SRGAP3: variants seen among roughly 807,000 people sequenced by gnomAD.
The protein encoded by SRGAP3 is SLIT-ROBO Rho GTPase activating protein 3.
In SRGAP3, 39 loss-of-function variants were observed where a neutral mutation model predicts 121.1. That is an observed-to-expected ratio of 0.32 (90% CI 0.25 to 0.42). SRGAP3 has a LOEUF of 0.42. Ranked by LOEUF, SRGAP3 falls within the 10% of genes least tolerant of loss-of-function variation. The probability of loss-of-function intolerance (pLI) is 1.00; values close to 1 mark genes in which losing one functional copy is unlikely to be tolerated. For missense variants in SRGAP3, 1,213 were observed against 1,470.6 expected (o/e 0.82, Z 2.86); for synonymous variants, 601 against 570.0 (o/e 1.05, Z -0.77).
At chr3:9,074,207 A>G (rs1019655230) in intron 4 of SRGAP3, among the ~76,000 whole-genome samples, 1 of 152,208 alleles carries the variant, frequency 6.6e-6, no homozygotes, top group Non-Finnish European at 1.5e-5. Context: ...GGAGATGGGG[A>G]ATGGAGAAGA....
intron 2 of SRGAP3, among the ~76,000 whole-genome samples, chr3:9,115,586 T>G (rs1334495699): frequency 1.3e-5 from 2 of 152,250 alleles, no homozygotes; most frequent in African/African-American, 4.8e-5. Context: ...CTACAGCCAT[T>G]GCAAAATCCA....
At chr3:9,009,905 C>T (rs920627426) in intron 18 of SRGAP3, among the ~76,000 whole-genome samples, 15 of 152,196 alleles carry the variant, frequency 9.9e-5, no homozygotes, top group African/African-American at 2.2e-4. Flanking sequence ...CAAGGACCGA[C>T]GTCTTGTTCA....
chr3:9,028,932 A>G (rs548488473), intron 12 of SRGAP3, among the ~76,000 whole-genome samples: 1 of 152,130 alleles, frequency 6.6e-6, no homozygotes, highest in Non-Finnish European at 1.5e-5. Context: ...GATGATGCCC[A>G]TTTTCAGGGG....
chr3:9,062,098 G>T (rs1946204235), intron 5 of SRGAP3, among the ~76,000 whole-genome samples: 2 of 152,056 alleles, frequency 1.3e-5, no homozygotes. Context: ...CCCACAGAGA[G>T]TTTTGATATT....
chr3:9,316,050 T>C (rs1465862035), intron 3 of SRGAP3, among the ~76,000 whole-genome samples: 1 of 152,166 alleles, frequency 6.6e-6, no homozygotes, highest in Non-Finnish European at 1.5e-5. Flanking sequence ...TAATATTTTA[T>C]TGTATTTATT....
intron 1 of SRGAP3, among the ~76,000 whole-genome samples, chr3:9,353,974 C>A (rs2030343631): frequency 6.6e-6 from 1 of 152,128 alleles, no homozygotes; most frequent in African/African-American, 2.4e-5. Context: ...GCCAATGAAA[C>A]CCTTGTCTCA....
At chr3:9,115,955 A>G (rs888954897) in intron 2 of SRGAP3, among the ~76,000 whole-genome samples, 7 of 152,208 alleles carry the variant, frequency 4.6e-5, no homozygotes, top group Non-Finnish European at 4.4e-5. Flanking sequence ...TAAAAAGGAG[A>G]TTGGAGGACA....
At chr3:9,269,191 G>A (rs577590648) in intron 3 of SRGAP3, among the ~76,000 whole-genome samples, 3 of 152,286 alleles carry the variant, frequency 2.0e-5, no homozygotes, top group Admixed American at 6.5e-5. Flanking sequence ...GGATGATTGT[G>A]GATAAAGTCC....
chr3:9,276,884 G>T (rs73021289), intron 3 of SRGAP3, among the ~76,000 whole-genome samples: 10,240 of 152,236 alleles, frequency 0.067, 489 homozygotes, highest in Admixed American at 0.13. Context: ...TGGAGAAAGG[G>T]TCTCCCATTA....
chr3:9,254,028 A>T (rs1954072592), upstream of SRGAP3, among the ~76,000 whole-genome samples: 1 of 152,210 alleles, frequency 6.6e-6, no homozygotes, highest in African/African-American at 2.4e-5. Flanking sequence ...TACTTACAAA[A>T]TTCTGCTTGA....
chr3:9,313,817 A>G (rs1955294500), intron 3 of SRGAP3, among the ~76,000 whole-genome samples: 1 of 152,188 alleles, frequency 6.6e-6, no homozygotes, highest in South Asian at 2.1e-4. Flanking sequence ...CAATAGGGCG[A>G]AACCCCATCT....
intron 18 of SRGAP3, among the ~76,000 whole-genome samples, chr3:9,009,724 C>T (rs75983210): frequency 0.19 from 28,220 of 152,030 alleles, 3,058 homozygotes; most frequent in Non-Finnish European, 0.24. Flanking sequence ...AAGGTCTTGA[C>T]TGGCCTTTCT....
chr3:9,069,921 T>C (rs1256327859), intron 4 of SRGAP3, among the ~76,000 whole-genome samples: 2 of 151,964 alleles, frequency 1.3e-5, no homozygotes, highest in Admixed American at 6.6e-5. Context: ...CACTCCAGCC[T>C]GGGCGACAGA....
chr3:9,288,130 G>GTTTTTTTTTTTTTT (rs57076828), intron 3 of SRGAP3, among the ~76,000 whole-genome samples: 3 of 119,102 alleles, frequency 2.5e-5, no homozygotes, highest in Non-Finnish European at 3.4e-5. Context: ...TTCTATCTTT[G>GTTTTTTTTTTTTTT]TTTTTTTTTT....
chr3:9,314,171 T>C (rs144860145), intron 3 of SRGAP3, among the ~76,000 whole-genome samples: 43 of 152,246 alleles, frequency 2.8e-4, no homozygotes, highest in African/African-American at 9.4e-4. Context: ...GGACAAGAAA[T>C]GTGATGATCA....
chr3:9,030,388 A>G (rs1268564968), intron 12 of SRGAP3, among the ~76,000 whole-genome samples: 2 of 152,102 alleles, frequency 1.3e-5, no homozygotes, highest in African/African-American at 4.8e-5. Context: ...GCCATTTTGC[A>G]CCTCCAATGG....
At chr3:9,154,393 A>G (rs900729960) in intron 1 of SRGAP3, among the ~76,000 whole-genome samples, 1 of 152,110 alleles carries the variant, frequency 6.6e-6, no homozygotes, top group Admixed American at 6.6e-5. Context: ...AGGATACAGG[A>G]TGAGACTCAA....
intron 2 of SRGAP3, among the ~76,000 whole-genome samples, chr3:9,123,401 C>T (rs1019569035): frequency 0.039 from 179 of 4,638 alleles, 2 homozygotes; most frequent in Middle Eastern, 0.33. Flanking sequence ...ATACACAATA[C>T]ACATACATAC....
At chr3:8,995,406 G>T (rs1454112926) in intron 18 of SRGAP3, among the ~76,000 whole-genome samples, 3 of 152,152 alleles carry the variant, frequency 2.0e-5, no homozygotes, top group Non-Finnish European at 2.9e-5. Context: ...AGCCTGGGAG[G>T]TTGAGGCTGC....
Sources: gnomAD v4.1 joint callset for allele counts (sites outside exome capture counted in the v4.1 genomes callset) on GRCh38, gnomAD v4.1.1 for gene constraint, MANE v1.5 for transcripts, NCBI Gene and HGNC (gene_info 2026-07-23, HGNC 2026-07-21) for gene names.